Variants in SEMA3D observed in about 807,000 individuals in gnomAD.
SEMA3D encodes the protein semaphorin-3D.
SEMA3D carries 84 observed loss-of-function variants against 100.1 expected under a neutral mutation model. The ratio of observed to expected loss-of-function variants is 0.84; its 90% confidence interval spans 0.70 to 1.01. The LOEUF (loss-of-function observed/expected upper bound fraction) is 1.01. Ranked by LOEUF, SEMA3D falls within the 50% of genes least tolerant of loss-of-function variation. The pLI is 0.00. For synonymous variants in SEMA3D, 312 were observed against 320.7 expected, an observed-to-expected ratio of 0.97 and a Z score of 0.29; for missense variants, 875 against 934.1, an observed-to-expected ratio of 0.94 and a Z score of 0.82.
chr7:85,121,657 C>T (rs902882607), intron 3 of SEMA3D, 84 bp downstream of exon 3: 2 of 752,568 alleles, frequency 2.7e-6, no homozygotes, highest in African/African-American at 1.9e-5. Context: ...AGTCAATATG[C>T]TTTTCTAAAA....
chr7:85,244,135 G>A, the SEMA3D span, among the ~76,000 whole-genome samples: 1 of 152,122 alleles, frequency 6.6e-6, no homozygotes, highest in Non-Finnish European at 1.5e-5. Flanking sequence ...GCATGGAACT[G>A]GCATCTGCTT....
chr7:85,128,448 CAT>C (rs1476756476), intron 2 of SEMA3D, among the ~76,000 whole-genome samples: 2 of 152,074 alleles, frequency 1.3e-5, no homozygotes, highest in Non-Finnish European at 2.9e-5. Context: ...GGATTACAGG[CAT>C]CAGCCACTGC....
At chr7:85,143,187 A>G (rs928339038) in intron 2 of SEMA3D, 1 of 973,322 alleles carries the variant, frequency 1.0e-6, no homozygotes, top group Non-Finnish European at 1.2e-6. Context: ...AAATCAGGTC[A>G]TATGAGAAAA....
At chr7:85,046,117 T>G (rs548015281) in intron 9 of SEMA3D, among the ~76,000 whole-genome samples, 308 of 152,114 alleles carry the variant, frequency 2.0e-3, no homozygotes, top group Non-Finnish European at 3.4e-3. Flanking sequence ...TGAAATTATT[T>G]TGTTATGTGA....
intron 3 of SEMA3D, among the ~76,000 whole-genome samples, chr7:85,109,651 A>G (rs1033393910): frequency 2.0e-5 from 3 of 152,018 alleles, no homozygotes; most frequent in East Asian, 1.9e-4. Context: ...TGCAAACTGT[A>G]TATTACTAGT....
chr7:85,084,358 T>C (rs1788157846), intron 4 of SEMA3D, among the ~76,000 whole-genome samples: 1 of 152,244 alleles, frequency 6.6e-6, no homozygotes, highest in Admixed American at 6.5e-5. Flanking sequence ...TTTACATTGT[T>C]GTGCAGCCAA....
intron 3 of SEMA3D, among the ~76,000 whole-genome samples, chr7:85,112,263 T>A (rs979041579): frequency 3.9e-5 from 6 of 152,292 alleles, no homozygotes; most frequent in African/African-American, 1.2e-4. Context: ...GATATAGCCT[T>A]ACTTATTCAT....
intron 9 of SEMA3D, among the ~76,000 whole-genome samples, chr7:85,043,563 A>G (rs566030197): frequency 2.0e-5 from 3 of 152,242 alleles, no homozygotes; most frequent in African/African-American, 7.2e-5. Flanking sequence ...TTTTTAAATT[A>G]ATATATACCT....
rs1440438868 is a variant in SEMA3D, at chr7:84,998,491, T to C, written c.*949A>G. ...AAATTGGCAGCTACTTATACCCTAG[T>C]GAAAAGAGCTCCATTACATTACTCT... On this transcript the variant is annotated 3_prime_UTR_variant, in exon 19 of 19. Transcript: ENST00000284136. 6.6e-6 allele frequency: 1 copy of C among 152,104 alleles called. No homozygotes were observed. The highest frequency in any genetic ancestry group is 2.4e-5 in the African/African-American group (1 of 41,426). The allele number at this position is 152,104 out of a possible 1,614,324, so 9.4% of individuals were successfully genotyped here.
Position 85,153,702 on chromosome 7 carries a change from G to A in SEMA3D, c.-135C>T, listed in dbSNP as rs1206814522. ...GTATGTTCAAAAGCCTGGCAACCAG[G>A]ACAGCAGATGTTACAGTTCTAGTCC... On this transcript the variant is annotated 5_prime_UTR_variant, in exon 2 of 19. Transcript: ENST00000284136. 6.6e-6 allele frequency: 1 copy of A among 152,150 alleles called. No individual in the cohort carries two copies. The highest frequency in any genetic ancestry group is 1.5e-5 in the Non-Finnish European group (1 of 68,068). The allele number at this position is 152,150 out of a possible 1,614,324, so 9.4% of individuals were successfully genotyped here.
chr7:85,001,877 A>G (rs756297442), intron 18 of SEMA3D, among the ~76,000 whole-genome samples: 11 of 152,158 alleles, frequency 7.2e-5, no homozygotes, highest in Non-Finnish European at 1.2e-4. Context: ...ATCAAAGTGG[A>G]TATCTCCACT....
At chr7:85,112,288 T>G (rs953381270) in intron 3 of SEMA3D, among the ~76,000 whole-genome samples, 1 of 152,192 alleles carries the variant, frequency 6.6e-6, no homozygotes, top group Non-Finnish European at 1.5e-5. Flanking sequence ...TAGAAAATTC[T>G]GATTAAACAA....
the SEMA3D span, among the ~76,000 whole-genome samples, chr7:85,241,837 GTAAA>G: frequency 1.3e-3 from 199 of 151,782 alleles, no homozygotes; most frequent in Non-Finnish European, 2.2e-3. Flanking sequence ...AAATAAATAA[GTAAA>G]TAAATAAATA....
Position 85,167,827 on chromosome 7 carries a change from A to T in SEMA3D, c.-172-14088T>A, listed in dbSNP as rs145459830. On this transcript the variant is annotated intron_variant, in intron 1 of 18. Coordinates refer to ENST00000284136, the MANE Select transcript of SEMA3D (RefSeq NM_001384900.1). ...AGAATTATGATGAATACATTGGGAA[A>T]TGTTTCTTTTGGTTTCTATTATTAA... Among the ~76,000 whole-genome samples, 23 of 152,002 alleles carry T rather than the reference A, an allele frequency of 1.5e-4. 1 individual carries two copies. The highest frequency in any genetic ancestry group is 1.1e-3 in the Admixed American group (17 of 15,228).
chr7:85,116,742 G>A (rs1789256012), intron 3 of SEMA3D, among the ~76,000 whole-genome samples: 1 of 152,006 alleles, frequency 6.6e-6, no homozygotes, highest in African/African-American at 2.4e-5. Flanking sequence ...TAGTATCTGA[G>A]CTTTGACTTT....
chr7:85,227,433 CAT>C, the SEMA3D span, among the ~76,000 whole-genome samples: 2 of 152,098 alleles, frequency 1.3e-5, no homozygotes, highest in African/African-American at 4.8e-5. Flanking sequence ...CTTTTTCTAA[CAT>C]GTGAGGGCAC....
intron 1 of SEMA3D, among the ~76,000 whole-genome samples, chr7:85,170,034 G>C (rs539493423): frequency 6.6e-6 from 1 of 151,812 alleles, no homozygotes; most frequent in African/African-American, 2.4e-5. Flanking sequence ...ATGTGATTTG[G>C]TTTTTAAAAA....
intron 17 of SEMA3D, among the ~76,000 whole-genome samples, chr7:85,007,717 A>G (rs945095760): frequency 1.3e-5 from 2 of 151,738 alleles, no homozygotes; most frequent in Admixed American, 6.6e-5. Context: ...TTGATCAAAT[A>G]AAAAATGACA....
intron 2 of SEMA3D, among the ~76,000 whole-genome samples, chr7:85,145,337 T>C (rs1304182037): frequency 6.6e-6 from 1 of 152,064 alleles, no homozygotes; most frequent in African/African-American, 2.4e-5. Context: ...CTTTAATGTT[T>C]TATTGGTTTG....
Sources: allele counts gnomAD v4.1 joint callset (sites outside exome capture counted in the v4.1 genomes callset), GRCh38; gene constraint gnomAD v4.1.1; transcripts MANE v1.5; gene names NCBI Gene and HGNC (gene_info 2026-07-23, HGNC 2026-07-21).